The following FGF8 variants were observed in gnomAD, a reference collection of about 807,000 sequenced individuals.
FGF8 encodes androgen-induced growth factor.
In FGF8, 12 loss-of-function variants were observed where a neutral mutation model predicts 29.7. The observed-to-expected ratio is 0.40, with a 90% CI of 0.26 to 0.65. FGF8 has a LOEUF of 0.65. Ranked by LOEUF, FGF8 falls within the 30% of genes least tolerant of loss-of-function variation. The pLI, the probability that FGF8 is intolerant of heterozygous loss-of-function variation, is 0.37. For synonymous variants in FGF8, 157 were observed against 144.4 expected, an observed-to-expected ratio of 1.09 and a Z score of -0.63; for missense variants, 271 against 345.1, an observed-to-expected ratio of 0.79 and a Z score of 1.70.
At position 101,775,883 on chromosome 10, in the gene FGF8, G is replaced by C; in HGVS notation, c.18C>G (p.Ser6=). ...GCGGTACTCACAGGCAGCTCAGCGC[G>C]GAGCGGGGGCTGCCCATGGCGCGCG... MGSPR[S]ALSCLLLHLL... The change falls in exon 1 of 6, where the codon TCC becomes TCG. Residue 6 remains serine (S), a synonymous_variant. Transcript: ENST00000320185. This position sits in a 1 kb window ranked among gnomAD's most constrained non-coding sequence, Gnocchi z 4.6. 1 of 1,408,128 alleles carries C rather than the reference G, an allele frequency of 7.1e-7. No homozygotes were observed. The highest frequency in any genetic ancestry group is 9.2e-7 in the Non-Finnish European group (1 of 1,084,414). The allele number at this position is 1,408,128 out of a possible 1,614,324, so 87.2% of individuals were successfully genotyped here.
At chr10:101,779,791 CT>C (rs2065128780), upstream of FGF8, among the ~76,000 whole-genome samples, 1 of 152,124 alleles carries the variant, frequency 6.6e-6, no homozygotes, top group African/African-American at 2.4e-5. The surrounding 1 kb of genome is among the most constrained non-coding windows in gnomAD (Gnocchi z 5.7). Flanking sequence ...GTGCCGAGGA[CT>C]TTGGAGGCTG....
chr10:101,777,313 C>T (rs925826513), upstream of FGF8, among the ~76,000 whole-genome samples: 2 of 152,170 alleles, frequency 1.3e-5, no homozygotes, highest in African/African-American at 4.8e-5. Context: ...AGGTGATGCC[C>T]TACCAGACTG....
At position 101,774,780 on chromosome 10, in the gene FGF8, G is replaced by A. The variant is rs948428032; in HGVS notation, c.289C>T (p.Leu97=). The change falls in exon 4 of 6, where the codon CTG becomes TTG. Residue 97 remains leucine, a synonymous_variant. Transcript: ENST00000320185. The part of the protein sequence containing the change: ...SRTSGKHVQV[L]ANKRINAMAE... Reference sequence around the variant, plus strand: ...ATGGCGTTGATGCGCTTGTTGGCCAGGACCTGCACGTGCTTCCCGCTGGTG... The same window carrying A: ...ATGGCGTTGATGCGCTTGTTGGCCAAGACCTGCACGTGCTTCCCGCTGGTG... 3.7e-6 allele frequency: 6 copies of A among 1,610,924 alleles called. No homozygotes were observed. In the East Asian group the frequency reaches 1.1e-4, roughly 30 times the overall value.
upstream of FGF8, among the ~76,000 whole-genome samples, chr10:101,779,554 T>G (rs1362802789): frequency 6.6e-6 from 1 of 151,286 alleles, no homozygotes; most frequent in Non-Finnish European, 1.5e-5. This position sits in a 1 kb window ranked among gnomAD's most constrained non-coding sequence, Gnocchi z 5.7. Context: ...GAGAGGCTGA[T>G]GTGGATTGGG....
In FGF8 at chr10:101,775,837, C is replaced by CGGGGGGG; in HGVS notation, c.32+31_32+32insCCCCCCC. 2.1e-6 allele frequency: 2 copies of CGGGGGGG among 967,860 alleles called. No homozygotes were observed. The highest frequency in any genetic ancestry group is 1.5e-6 in the Non-Finnish European group (1 of 673,686). The allele number at this position is 967,860 out of a possible 1,614,324, so 60.0% of individuals were successfully genotyped here. A position where few individuals can be genotyped will look rare whatever the true frequency, so the allele number is the denominator to read the frequency against. ...CGGGTGAGGCGAGGGGCGCGGGGGG[C>CGGGGGGG]GGGTGGCGGGGCAGGGCGGCGCGGT... On this transcript the variant is annotated intron_variant, in intron 1 of 5. Coordinates refer to ENST00000320185, the MANE Select transcript of FGF8 (RefSeq NM_033163.5). The surrounding 1 kb of genome is among the most constrained non-coding windows in gnomAD (Gnocchi z 4.6).
intron 5 of FGF8, 27 bp from the exon 6 acceptor site, chr10:101,770,646 G>A (rs776577948): frequency 1.2e-6 from 2 of 1,603,420 alleles, no homozygotes; most frequent in Non-Finnish European, 1.7e-6. Flanking sequence ...CAGACACCAC[G>A]TTACAGAGCC....
chr10:101,776,923 C>T (rs547272825), upstream of FGF8, among the ~76,000 whole-genome samples: 5 of 151,734 alleles, frequency 3.3e-5, no homozygotes, highest in South Asian at 1.0e-3. Context: ...CACCCCGAGC[C>T]ACCTGTGTGG....
In FGF8 at chr10:101,770,566, G is replaced by T. The variant is rs1322823531; in HGVS notation, c.498C>A (p.Asn166Lys). ...ACTTGGCATTCTGCAGCGCTGTGTA[G>T]TTGTTCTCCAGCACAATCTCCGTGA... Reference protein sequence around the residue: ...CVFTEIVLENNYTALQNAKYE... With the variant: ...CVFTEIVLENKYTALQNAKYE... The change falls in exon 6 of 6, where the codon AAC (asparagine) becomes AAA (lysine). Residue 166 changes from asparagine to lysine, a missense_variant. Physicochemically the swap from Asn to Lys is moderately conservative, Grantham distance 94. Around this residue, in one of 3 missense-constraint regions of FGF8, gnomAD observed 41 missense variants for 80.0 expected, o/e 0.51. Transcript: ENST00000320185. 6.2e-7 allele frequency: 1 copy of T among 1,613,082 alleles called. No individual in the cohort carries two copies. The highest frequency in any genetic ancestry group is 8.5e-7 in the Non-Finnish European group (1 of 1,179,986).
At chr10:101,779,915 A>C (rs543026082), upstream of FGF8, among the ~76,000 whole-genome samples, 314 of 152,386 alleles carry the variant, frequency 2.1e-3, 1 homozygote, top group Non-Finnish European at 3.1e-3. The surrounding 1 kb of genome is among the most constrained non-coding windows in gnomAD (Gnocchi z 5.7). Context: ...TGCAAGCCTC[A>C]GTGGCATTCC....
At chr10:101,779,827 G>C (rs1004231474), upstream of FGF8, among the ~76,000 whole-genome samples, 1 of 152,258 alleles carries the variant, frequency 6.6e-6, no homozygotes, top group African/African-American at 2.4e-5. This position sits in a 1 kb window ranked among gnomAD's most constrained non-coding sequence, Gnocchi z 5.7. Flanking sequence ...AAGGGAAAGA[G>C]GAGTGAGGGC....
chr10:101,775,874 G>A lies in FGF8; in HGVS notation c.27C>T (p.Ser9=). The A allele has an allele frequency of 6.9e-7, 1 of 1,447,202 alleles. No homozygotes were observed. Among genetic ancestry groups the A allele is most frequent in the South Asian group, 1.4e-5 (1 of 72,930 alleles). 89.6% of individuals were successfully genotyped at this position (1,447,202 alleles called of 1,614,324 possible). The change falls in exon 1 of 6, where the codon AGC becomes AGT. Residue 9 remains serine (S), a synonymous_variant. Coordinates refer to ENST00000320185, the MANE Select transcript of FGF8 (RefSeq NM_033163.5). This position sits in a 1 kb window ranked among gnomAD's most constrained non-coding sequence, Gnocchi z 4.6. The part of the protein sequence containing the change: MGSPRSAL[S]CLLLHLLVLC... ...CAGGGCGGCGCGGTACTCACAGGCA[G>A]CTCAGCGCGGAGCGGGGGCTGCCCA...
intron 5 of FGF8, 42 bp from the exon 6 acceptor site, chr10:101,770,661 C>G (rs1368231656): frequency 2.5e-6 from 4 of 1,599,886 alleles, no homozygotes; most frequent in East Asian, 2.2e-5. Flanking sequence ...AGAGCCCCCC[C>G]AGCAGAGGCA....
chr10:101,779,869 C>T (rs2065129423), upstream of FGF8, among the ~76,000 whole-genome samples: 1 of 152,192 alleles, frequency 6.6e-6, no homozygotes, highest in South Asian at 2.1e-4. This position sits in a 1 kb window ranked among gnomAD's most constrained non-coding sequence, Gnocchi z 5.7. Flanking sequence ...CAACTCAAGT[C>T]GTTCGAATGA....
Position 101,775,664 on chromosome 10 carries a change from G to A in FGF8, c.69+76C>T. ...CGCGCCGGCCGCAGAGTCAGTCCCG[G>A]TGCCCCCGACCGGCGCTGCCCACCC... is the stretch of plus-strand genomic sequence containing the variant. On this transcript the variant is annotated intron_variant, in intron 2 of 5. Coordinates refer to ENST00000320185, the MANE Select transcript of FGF8 (RefSeq NM_033163.5). The surrounding 1 kb of genome is among the most constrained non-coding windows in gnomAD (Gnocchi z 4.6). 1 of 1,499,620 alleles carries A rather than the reference G, an allele frequency of 6.7e-7. No individual in the cohort carries two copies. The allele number at this position is 1,499,620 out of a possible 1,614,324, so 92.9% of individuals were successfully genotyped here. A position where few individuals can be genotyped will look rare whatever the true frequency, so the allele number is the denominator to read the frequency against.
rs1001879235 is a variant in FGF8 at position 101,770,583 on chromosome 10, T to C, written c.481A>G (p.Ile161Val). ...GKGKDCVFTE[I>V]VLENNYTALQ... ...GCTGTGTAGTTGTTCTCCAGCACAA[T>C]CTCCGTGAAGACGCAGTCCTTGCCT... The change falls in exon 6 of 6, where the codon ATT (isoleucine) becomes GTT (valine). Residue 161 changes from isoleucine to valine, a missense_variant. Physicochemically the swap from Ile to Val is conservative, Grantham distance 29. Coordinates refer to ENST00000320185, the MANE Select transcript of FGF8 (RefSeq NM_033163.5). 1 of 1,612,502 alleles carries C rather than the reference T, an allele frequency of 6.2e-7. No homozygotes were observed. Among genetic ancestry groups the C allele is most frequent in the South Asian group, 1.1e-5 (1 of 91,084 alleles).
chr10:101,772,806 G>A lies in FGF8; in HGVS notation c.338-1237C>T, dbSNP rs1017982931. ...TGCTGGGACCAGTGGCCAAGCCCCC[G>A]GTTTGGCCCCAAGTCAGCAGGGAAA... On this transcript the variant is annotated intron_variant, in intron 4 of 5. Transcript: ENST00000320185. The surrounding 1 kb of genome is among the most constrained non-coding windows in gnomAD (Gnocchi z 4.4). Among the ~76,000 whole-genome samples, 13 of 152,162 alleles carry A rather than the reference G, an allele frequency of 8.5e-5. No individual in the cohort carries two copies. The highest frequency in any genetic ancestry group is 2.2e-4 in the African/African-American group (9 of 41,434).
Position 101,774,744 on chromosome 10 carries a change from C to T in FGF8, c.325G>A (p.Gly109Ser). Residue 109 changes from glycine (G) to serine (S), a missense_variant, in exon 4 of 6, where the codon GGC becomes AGC. Physicochemically the swap from Gly to Ser is moderately conservative, Grantham distance 56. Coordinates refer to ENST00000320185, the MANE Select transcript of FGF8 (RefSeq NM_033163.5). ...NKRINAMAED[G>S]DPFAKLIVET... ...CAGCGCGCCTTACCGAAGGGGTCGC[C>T]GTCCTCTGCCATGGCGTTGATGCGC... 2.5e-6 allele frequency: 4 copies of T among 1,605,286 alleles called. No homozygotes were observed. The highest frequency in any genetic ancestry group is 2.2e-5 in the East Asian group (1 of 44,870).
At chr10:101,779,241 C>T (rs2065123473), upstream of FGF8, among the ~76,000 whole-genome samples, 1 of 152,256 alleles carries the variant, frequency 6.6e-6, no homozygotes, top group African/African-American at 2.4e-5. This position sits in a 1 kb window ranked among gnomAD's most constrained non-coding sequence, Gnocchi z 5.7. Context: ...CAAAGCGCCG[C>T]GGACTCACTG....
rs1190121113 is a variant in FGF8, at chr10:101,775,836, G to A, written c.32+33C>T. On this transcript the variant is annotated intron_variant, in intron 1 of 5. Transcript: ENST00000320185. This position sits in a 1 kb window ranked among gnomAD's most constrained non-coding sequence, Gnocchi z 4.6. ...GCGGGTGAGGCGAGGGGCGCGGGGG[G>A]CGGGTGGCGGGGCAGGGCGGCGCGG... The A allele has an allele frequency of 9.9e-6, 15 of 1,519,578 alleles. No homozygotes were observed. The Admixed American group carries it at 1.8e-4, about 18-fold the overall frequency. 94.1% of individuals were successfully genotyped at this position (1,519,578 alleles called of 1,614,324 possible). A position where few individuals can be genotyped will look rare whatever the true frequency, so the allele number is the denominator to read the frequency against.
Sources: gnomAD v4.1 joint callset for allele counts (sites outside exome capture counted in the v4.1 genomes callset) on GRCh38, gnomAD v4.1.1 for gene constraint, gnomAD v4.1.1 regional missense constraint, Gnocchi (gnomAD v3.1) non-coding constraint, MANE v1.5 for transcripts, NCBI Gene and HGNC (gene_info 2026-07-23, HGNC 2026-07-21) for gene names.